PRPF8: variants seen among roughly 807,000 people sequenced by gnomAD.
The protein encoded by PRPF8 is pre-mRNA processing factor 8, also known as pre-mRNA-processing-splicing factor 8.
Under a neutral mutation model 285.9 loss-of-function variants are expected in PRPF8, and 64 were observed. The observed-to-expected ratio is 0.22, with a 90% CI of 0.18 to 0.28. PRPF8 has a LOEUF of 0.28. PRPF8 is among the 10% of genes least tolerant of loss of function. The pLI is 1.00. For missense variants in PRPF8, 1,426 were observed against 3,026.7 expected (o/e 0.47, Z 12.41); for synonymous variants, 1,325 against 1,118.2 (o/e 1.18, Z -3.69).
Position 1,651,662 on chromosome 17 carries a change from G to C in PRPF8, c.6496C>G (p.His2166Asp). The C allele has an allele frequency of 1.2e-6, 2 of 1,614,172 alleles. No homozygotes were observed. Among genetic ancestry groups the C allele is most frequent in the African/African-American group, 1.3e-5 (1 of 75,050 alleles). ...TVHLPGQLPQ[H>D]EYLKEMEPLG... ...CTCCCCATTACCTTGAGGTACTCAT[G>C]CTGGGGCAGCTGGCCAGGCAGGTGC... Residue 2166 changes from histidine to aspartate, a missense_variant, in exon 40 of 43, where the codon CAT becomes GAT. His to Asp is a moderately conservative substitution (Grantham distance 81). Around this residue, in one of 34 missense-constraint regions of PRPF8, gnomAD observed 160 missense variants for 373.7 expected, o/e 0.43. Coordinates refer to ENST00000304992, the MANE Select transcript of PRPF8 (RefSeq NM_006445.4). The surrounding 1 kb of genome is among the most constrained non-coding windows in gnomAD (Gnocchi z 5.1).
At chr17:1,678,375 C>T (rs558156040) in intron 13 of PRPF8, 143 bp downstream of exon 13, 114 of 1,084,276 alleles carry the variant, frequency 1.1e-4, no homozygotes, top group African/African-American at 6.5e-4. Context: ...CCCAGCTACT[C>T]GGGAGGCTGA....
chr17:1,656,810 G>T (rs370148960), intron 34 of PRPF8, 49 bp from the exon 35 acceptor site: 30 of 1,457,600 alleles, frequency 2.1e-5, no homozygotes, highest in Non-Finnish European at 2.8e-5. Context: ...TACCCTCCCA[G>T]ATCAACTAGA....
At chr17:1,663,710 CAAAAAAAAA>C (rs58454297) in intron 24 of PRPF8, among the ~76,000 whole-genome samples, 1 of 17,112 alleles carries the variant, frequency 5.8e-5, no homozygotes, top group African/African-American at 1.7e-4. Context: ...GACTCCATCT[CAAAAAAAAA>C]AAAAAAAAAA....
chr17:1,654,614 C>T (rs966626739), intron 37 of PRPF8: 4 of 178,228 alleles, frequency 2.2e-5, no homozygotes, highest in Admixed American at 1.6e-4. Flanking sequence ...CTCTCTTCCT[C>T]GAGACTCTGT....
intron 24 of PRPF8, among the ~76,000 whole-genome samples, chr17:1,663,979 A>G (rs900284956): frequency 4.6e-5 from 7 of 152,186 alleles, no homozygotes; most frequent in Non-Finnish European, 2.9e-5. Flanking sequence ...GTAACTAATA[A>G]CAGAATTTCA....
chr17:1,660,073 T>A, intron 30 of PRPF8, 72 bp from the exon 31 acceptor site: 1 of 1,525,164 alleles, frequency 6.6e-7, no homozygotes, highest in Non-Finnish European at 9.1e-7. Flanking sequence ...TACAATAAGA[T>A]AATGAGGCAA....
chr17:1,675,038 G>T lies in PRPF8; in HGVS notation c.3060+114C>A. On this transcript the variant is annotated intron_variant, in intron 20 of 42. Coordinates refer to ENST00000304992, the MANE Select transcript of PRPF8 (RefSeq NM_006445.4). This position sits in a 1 kb window ranked among gnomAD's most constrained non-coding sequence, Gnocchi z 6.0. ...TCTGCCCGCCTCAGCCTCCCAAAGT[G>T]CTGGGATTACAGGCATGAGCCACCG... The T allele has an allele frequency of 1.6e-6, 2 of 1,268,446 alleles. No homozygotes were observed. The highest frequency in any genetic ancestry group is 2.3e-6 in the Non-Finnish European group (2 of 886,676). The allele number at this position is 1,268,446 out of a possible 1,614,324, so 78.6% of individuals were successfully genotyped here. A position where few individuals can be genotyped will look rare whatever the true frequency, so the allele number is the denominator to read the frequency against.
rs1273710542 is a variant in PRPF8, at chr17:1,658,553, G to C, written c.5349C>G (p.Thr1783=). 1 of 1,613,136 alleles carries C rather than the reference G, an allele frequency of 6.2e-7. No homozygotes were observed. Among genetic ancestry groups the C allele is most frequent in the East Asian group, 2.2e-5 (1 of 44,888 alleles). ...TGTGAATAGTCACTCTGTAGACGTTGGTGTCATCCACAAACCAGATAATCT... is the reference window on the plus strand; with the variant it reads ...TGTGAATAGTCACTCTGTAGACGTTCGTGTCATCCACAAACCAGATAATCT... ...SNQIIWFVDD[T]NVYRVTIHKT... The change falls in exon 33 of 43, where the codon ACC becomes ACG. Residue 1783 remains threonine (T), a synonymous_variant. Transcript: ENST00000304992. The surrounding 1 kb of genome is among the most constrained non-coding windows in gnomAD (Gnocchi z 4.1).
chr17:1,682,097 A>G, intron 4 of PRPF8, 32 bp downstream of exon 4: 1 of 1,612,878 alleles, frequency 6.2e-7, no homozygotes, highest in Non-Finnish European at 8.5e-7. Context: ...CACCACCACC[A>G]CCACCACCCA....
chr17:1,680,373 A>T, intron 8 of PRPF8: 1 of 376,232 alleles, frequency 2.7e-6, no homozygotes, highest in Non-Finnish European at 4.9e-6. Flanking sequence ...CTCTGAGAAT[A>T]AGCTAAAAAC....
chr17:1,662,329 C>T (rs1911710154), intron 24 of PRPF8, among the ~76,000 whole-genome samples, 176 bp from the exon 25 acceptor site: 1 of 152,196 alleles, frequency 6.6e-6, no homozygotes, highest in Admixed American at 6.5e-5. Flanking sequence ...TGGCTCATGC[C>T]TATAATCCCA....
In PRPF8 at chr17:1,653,503, T is replaced by C; in HGVS notation, c.6369+39A>G. 6.2e-7 allele frequency: 1 copy of C among 1,613,980 alleles called. No homozygotes were observed. Among genetic ancestry groups the C allele is most frequent in the Non-Finnish European group, 8.5e-7 (1 of 1,179,806 alleles). On this transcript the variant is annotated intron_variant, in intron 39 of 42. Transcript: ENST00000304992. This position sits in a 1 kb window ranked among gnomAD's most constrained non-coding sequence, Gnocchi z 4.9. ...TCTGAGTTTTAGGCACAAAATGAGT[T>C]GGGCACACACTGTGGCCTAGCTGAG... is the stretch of plus-strand genomic sequence containing the variant.
rs373475757 is a variant in PRPF8 at position 1,679,491 on chromosome 17, C to A, written c.1290-81G>T. ...AAGGCTGCAAGCCTTGGGTTGTCTA[C>A]CATTTTTATGGGAAAAAAAAAAAAA... On this transcript the variant is annotated intron_variant, in intron 9 of 42. Coordinates refer to ENST00000304992, the MANE Select transcript of PRPF8 (RefSeq NM_006445.4). The surrounding 1 kb of genome is among the most constrained non-coding windows in gnomAD (Gnocchi z 4.7). The A allele has an allele frequency of 7.0e-5, 111 of 1,592,564 alleles. No individual in the cohort carries two copies. The East Asian group carries it at 1.3e-3, about 19-fold the overall frequency.
chr17:1,661,220 G>A lies in PRPF8; in HGVS notation c.4338+51C>T, dbSNP rs748810871. On this transcript the variant is annotated intron_variant, in intron 27 of 42. Coordinates refer to ENST00000304992, the MANE Select transcript of PRPF8 (RefSeq NM_006445.4). The surrounding 1 kb of genome is among the most constrained non-coding windows in gnomAD (Gnocchi z 7.3). ...GGGTGCCTATTGCCCCAAGTTTCGG[G>A]GATAGCCATGGATTTTCCTGACTCA... 1 of 1,614,032 alleles carries A rather than the reference G, an allele frequency of 6.2e-7. No individual in the cohort carries two copies. The highest frequency in any genetic ancestry group is 8.5e-7 in the Non-Finnish European group (1 of 1,180,018).
chr17:1,670,637 C>A (rs540077679), intron 24 of PRPF8, among the ~76,000 whole-genome samples: 4 of 152,300 alleles, frequency 2.6e-5, no homozygotes, highest in Admixed American at 2.0e-4. Context: ...CAGGTGTGCA[C>A]CACCACGCCC....
intron 24 of PRPF8, among the ~76,000 whole-genome samples, chr17:1,665,174 A>G (rs1438816031): frequency 1.3e-5 from 2 of 151,106 alleles, no homozygotes; most frequent in Admixed American, 1.3e-4. Flanking sequence ...AAAAAAAAAA[A>G]AAAAAAGGGA....
chr17:1,671,285 A>T (rs753687531), intron 24 of PRPF8, among the ~76,000 whole-genome samples: 18 of 152,200 alleles, frequency 1.2e-4, no homozygotes, highest in Non-Finnish European at 2.6e-4. Flanking sequence ...CATACAGGTT[A>T]ATCTAAAACC....
Position 1,667,105 on chromosome 17 carries a change from G to C in PRPF8, c.3775-4952C>G, listed in dbSNP as rs1273615735. ...GGAGAATTACTTAAACCCGGGAGGC[G>C]GGGGTCGCAGTGAGCTGAAATTGTG... On this transcript the variant is annotated intron_variant, in intron 24 of 42. Coordinates refer to ENST00000304992, the MANE Select transcript of PRPF8 (RefSeq NM_006445.4). Among the ~76,000 whole-genome samples the C allele has an allele frequency of 2.0e-5, 3 of 152,088 alleles. No homozygotes were observed. The South Asian group carries it at 6.2e-4, about 32-fold the overall frequency.
chr17:1,656,816 C>T, intron 34 of PRPF8, 55 bp from the exon 35 acceptor site: 3 of 1,431,120 alleles, frequency 2.1e-6, no homozygotes, highest in Non-Finnish European at 2.9e-6. Flanking sequence ...CCCAGATCAA[C>T]TAGAACAGAA....
Sources: allele counts gnomAD v4.1 joint callset (sites outside exome capture counted in the v4.1 genomes callset), GRCh38; gene constraint gnomAD v4.1.1; regional missense constraint gnomAD v4.1.1; non-coding constraint Gnocchi (gnomAD v3.1); transcripts MANE v1.5; gene names NCBI Gene and HGNC (gene_info 2026-07-23, HGNC 2026-07-21).